Variants in DPP6 observed in about 807,000 individuals in gnomAD.
DPP6 encodes the protein dipeptidyl peptidase like 6, also known as A-type potassium channel modulatory protein DPP6.
DPP6 carries 69 observed loss-of-function variants against 122.6 expected under a neutral mutation model. The observed-to-expected ratio is 0.56, with a 90% CI of 0.46 to 0.69. The LOEUF is 0.69. Among genes scored for constraint, DPP6 ranks in the 30% least tolerant of loss-of-function variants. The probability of loss-of-function intolerance (pLI) is 0.00; values close to 1 mark genes in which losing one functional copy is unlikely to be tolerated. For missense variants in DPP6, 928 were observed against 1,116.9 expected (o/e 0.83, Z 2.41); for synonymous variants, 418 against 433.1 (o/e 0.97, Z 0.43).
At chr7:153,961,902 C>T (rs1375407981) in intron 1 of DPP6, among the ~76,000 whole-genome samples, 3 of 145,944 alleles carry the variant, frequency 2.1e-5, no homozygotes, top group Non-Finnish European at 4.5e-5. Context: ...CGATGGGGAG[C>T]GGCTGTAAGT....
intron 1 of DPP6, among the ~76,000 whole-genome samples, chr7:154,384,879 G>T (rs948087631): frequency 5.3e-5 from 8 of 151,976 alleles, no homozygotes; most frequent in African/African-American, 1.7e-4. Context: ...CTCTGAAACT[G>T]TTACAGATGA....
intron 3 of DPP6, among the ~76,000 whole-genome samples, chr7:154,502,749 T>A (rs1825358511): frequency 6.6e-6 from 1 of 152,198 alleles, no homozygotes; most frequent in African/African-American, 2.4e-5. Context: ...TTATATTGAA[T>A]GTCAGGTAAG....
intron 1 of DPP6, among the ~76,000 whole-genome samples, chr7:154,205,129 G>T (rs954358515): frequency 1.4e-4 from 21 of 148,912 alleles, no homozygotes; most frequent in Admixed American, 7.4e-4. Context: ...CTTCGATGTG[G>T]TTTTTTTTTT....
chr7:154,782,919 G>A (rs1797115252), intron 10 of DPP6, among the ~76,000 whole-genome samples: 1 of 152,092 alleles, frequency 6.6e-6, no homozygotes, highest in African/African-American at 2.4e-5. Context: ...GAATAGCTGG[G>A]ATTATAGGCA....
At position 154,308,275 on chromosome 7, in the gene DPP6, A is replaced by G. The variant is rs1331102343; in HGVS notation, c.244-137939A>G. On this transcript the variant is annotated intron_variant, in intron 1 of 25. Transcript: ENST00000377770. The stretch of plus-strand genomic sequence containing the variant: ...AATTAGAAAAAAAAAAGATTTTACT[A>G]TTAGTTAGAGATTGTTGTTTTTTTT... Among the ~76,000 whole-genome samples the G allele has an allele frequency of 4.0e-5, 6 of 151,568 alleles. No individual in the cohort carries two copies. The East Asian group carries it at 1.2e-3, about 29-fold the overall frequency.
At chr7:154,640,465 A>AGT (rs1554419972) in intron 6 of DPP6, among the ~76,000 whole-genome samples, 17 of 137,004 alleles carry the variant, frequency 1.2e-4, no homozygotes, top group Non-Finnish European at 2.4e-4. Flanking sequence ...CACTGAACAC[A>AGT]GCGCCCCTGA....
At chr7:154,565,281 G>A (rs1389047703) in intron 4 of DPP6, among the ~76,000 whole-genome samples, 1 of 152,194 alleles carries the variant, frequency 6.6e-6, no homozygotes, top group Non-Finnish European at 1.5e-5. Flanking sequence ...TCCACTAGTT[G>A]CACATGAACT....
chr7:153,829,515 GTCC>G, the DPP6 span, among the ~76,000 whole-genome samples: 1 of 152,094 alleles, frequency 6.6e-6, no homozygotes, highest in Non-Finnish European at 1.5e-5. Flanking sequence ...CGCCCGGCCT[GTCC>G]TCCTCTTTTT....
chr7:154,242,201 T>C (rs1328454419), intron 1 of DPP6, among the ~76,000 whole-genome samples: 4 of 152,200 alleles, frequency 2.6e-5, no homozygotes, highest in African/African-American at 9.6e-5. Flanking sequence ...CCATTTCTGA[T>C]TTGTCTGACG....
chr7:154,390,887 C>T (rs1322109048), intron 1 of DPP6, among the ~76,000 whole-genome samples: 1 of 152,152 alleles, frequency 6.6e-6, no homozygotes, highest in East Asian at 1.9e-4. Context: ...CACTTGCAGG[C>T]CCCGAGTCTC....
intron 2 of DPP6, among the ~76,000 whole-genome samples, chr7:154,450,954 C>T (rs1257268229): frequency 6.6e-6 from 1 of 152,182 alleles, no homozygotes; most frequent in Non-Finnish European, 1.5e-5. Flanking sequence ...TTGTCTGGCA[C>T]TCCCTTTGGG....
the DPP6 span, among the ~76,000 whole-genome samples, chr7:153,825,738 T>C: frequency 6.6e-6 from 1 of 152,090 alleles, no homozygotes; most frequent in Non-Finnish European, 1.5e-5. Flanking sequence ...TTTTTGTATT[T>C]TTAGTAGAAA....
chr7:153,929,960 A>G (rs1431766566), intron 1 of DPP6, among the ~76,000 whole-genome samples: 1 of 152,204 alleles, frequency 6.6e-6, no homozygotes. Context: ...GCAGATGGCT[A>G]TTTGGGAATA....
intron 12 of DPP6, among the ~76,000 whole-genome samples, chr7:154,796,396 A>G (rs998653240): frequency 2.6e-5 from 4 of 152,266 alleles, no homozygotes; most frequent in Admixed American, 6.5e-5. Flanking sequence ...AGGAACACAC[A>G]TTAAAACAGA....
At chr7:154,406,256 T>G (rs180710454) in intron 1 of DPP6, among the ~76,000 whole-genome samples, 1 of 152,222 alleles carries the variant, frequency 6.6e-6, no homozygotes, top group Admixed American at 6.5e-5. Context: ...TTTCATACGG[T>G]TTTCAAAAGC....
intron 9 of DPP6, among the ~76,000 whole-genome samples, chr7:154,772,444 C>A (rs12719625): frequency 0.21 from 31,502 of 152,062 alleles, 4,093 homozygotes; most frequent in Non-Finnish European, 0.29. Flanking sequence ...TTAATCTCTC[C>A]CCATGCTGAG....
intron 6 of DPP6, among the ~76,000 whole-genome samples, chr7:154,657,615 TGC>T (rs1467077604): frequency 0.051 from 46 of 896 alleles, 22 homozygotes; most frequent in African/African-American, 0.089. Context: ...GTGGAGAGGC[TGC>T]GTGGGAGGAG....
At position 153,989,070 on chromosome 7, in the gene DPP6, G is replaced by A. The variant is rs1406157447; in HGVS notation, c.51+101336G>A. On this transcript the variant is annotated intron_variant, in intron 1 of 25. Coordinates refer to the DPP6 transcript ENST00000404039. ...CCCTTTCCCAGAGAGCCCAGCTTCA[G>A]GGACAGCGCCCGCGAGGTGCTGCTG... 4.6e-5 allele frequency among the ~76,000 whole-genome samples: 7 copies of A among 150,826 alleles called. No homozygotes were observed. In the South Asian group the frequency reaches 1.1e-3, roughly 23 times the overall value.
chr7:154,173,305 TA>T (rs1160425848), intron 1 of DPP6, among the ~76,000 whole-genome samples: 1 of 152,200 alleles, frequency 6.6e-6, no homozygotes, highest in Non-Finnish European at 1.5e-5. Flanking sequence ...GAGAACATTC[TA>T]AATGGAATCT....
Sources: allele counts gnomAD v4.1 joint callset (sites outside exome capture counted in the v4.1 genomes callset), GRCh38; gene constraint gnomAD v4.1.1; transcripts MANE v1.5; gene names NCBI Gene and HGNC (gene_info 2026-07-23, HGNC 2026-07-21).